Variants in LRMDA observed in about 807,000 individuals in gnomAD.
LRMDA encodes the protein leucine-rich melanocyte differentiation-associated protein.
In LRMDA, 18 loss-of-function variants were observed where a neutral mutation model predicts 29.8. The ratio of observed to expected loss-of-function variants is 0.60; its 90% CI spans 0.42 to 0.90. LRMDA has a LOEUF of 0.90. LRMDA is among the 40% of genes least tolerant of loss of function. The pLI is 0.00. For missense variants in LRMDA, 273 were observed against 273.9 expected (o/e 1.00, Z 0.02); for synonymous variants, 125 against 109.4 (o/e 1.14, Z -0.89).
chr10:75,955,140 G>C (rs576775824), intron 2 of LRMDA, among the ~76,000 whole-genome samples: 1 of 152,220 alleles, frequency 6.6e-6, no homozygotes, highest in South Asian at 2.1e-4. Flanking sequence ...ATTACACATT[G>C]GTTATCTTGT....
intron 5 of LRMDA, among the ~76,000 whole-genome samples, chr10:76,133,344 AC>A (rs1850034044): frequency 6.6e-6 from 1 of 152,084 alleles, no homozygotes; most frequent in Non-Finnish European, 1.5e-5. Context: ...GCACCTGCCA[AC>A]CTGACCTGTT....
intron 2 of LRMDA, among the ~76,000 whole-genome samples, chr10:75,816,495 T>C (rs1252301111): frequency 6.6e-6 from 1 of 152,198 alleles, no homozygotes; most frequent in Non-Finnish European, 1.5e-5. Flanking sequence ...CTCAACTGTT[T>C]GTTGCTTCCA....
intron 2 of LRMDA, among the ~76,000 whole-genome samples, chr10:75,862,532 T>G (rs1844949645): frequency 6.6e-6 from 1 of 152,132 alleles, no homozygotes; most frequent in Admixed American, 6.5e-5. Flanking sequence ...CCTGGAAGAA[T>G]TTATAAATCC....
intron 6 of LRMDA, among the ~76,000 whole-genome samples, chr10:76,368,042 A>G (rs1841412103): frequency 6.6e-6 from 1 of 151,964 alleles, no homozygotes; most frequent in Admixed American, 6.6e-5. Flanking sequence ...TTTTCTTCTC[A>G]AAGAACCTGC....
intron 6 of LRMDA, among the ~76,000 whole-genome samples, chr10:76,370,384 A>G (rs1178759059): frequency 2.6e-5 from 4 of 152,180 alleles, no homozygotes; most frequent in South Asian, 2.1e-4. Flanking sequence ...TGATGTTGCT[A>G]TCTACAAACC....
chr10:75,930,338 A>C (rs1846186597), intron 2 of LRMDA, among the ~76,000 whole-genome samples: 1 of 152,124 alleles, frequency 6.6e-6, no homozygotes. Flanking sequence ...ACTTTGGGGA[A>C]TTTCTCGGTG....
chr10:75,608,135 C>CACAA (rs1840982365), intron 2 of LRMDA, among the ~76,000 whole-genome samples: 1 of 65,688 alleles, frequency 1.5e-5, no homozygotes, highest in Non-Finnish European at 4.6e-5. Flanking sequence ...TATATACACA[C>CACAA]ACATACACAA....
chr10:75,461,446 G>A (rs1844583397), intron 2 of LRMDA, among the ~76,000 whole-genome samples: 1 of 152,102 alleles, frequency 6.6e-6, no homozygotes, highest in Non-Finnish European at 1.5e-5. Flanking sequence ...CTACTTAGGG[G>A]AGAAGGGCAG....
chr10:75,934,484 G>C (rs577790209), intron 2 of LRMDA, among the ~76,000 whole-genome samples: 4 of 152,114 alleles, frequency 2.6e-5, no homozygotes, highest in Non-Finnish European at 5.9e-5. Flanking sequence ...AGCATTTATA[G>C]GGAAGGAAAA....
chr10:75,722,175 T>A (rs1842576572), intron 2 of LRMDA, among the ~76,000 whole-genome samples: 1 of 152,120 alleles, frequency 6.6e-6, no homozygotes, highest in African/African-American at 2.4e-5. Context: ...ATGCCACTAA[T>A]CCATCCTAGG....
intron 2 of LRMDA, among the ~76,000 whole-genome samples, chr10:75,885,330 A>G (rs530978688): frequency 1.1e-4 from 16 of 152,196 alleles, no homozygotes; most frequent in Admixed American, 3.3e-4. Context: ...CCTACTCAGT[A>G]ACTGTTTCGG....
Position 76,240,746 on chromosome 10 carries a change from G to C in LRMDA, c.517-83655G>C, listed in dbSNP as rs571208064. ...AGCCCAAATGCCCATTAATCAATGAGTGGATAAAGAAAATGTGAGATAGAT... is the reference window on the plus strand; with the variant it reads ...AGCCCAAATGCCCATTAATCAATGACTGGATAAAGAAAATGTGAGATAGAT... On this transcript the variant is annotated intron_variant, in intron 5 of 6. Transcript: ENST00000611255. Among the ~76,000 whole-genome samples the C allele has an allele frequency of 2.7e-5, 4 of 147,984 alleles. No individual in the cohort carries two copies. In the South Asian group the frequency reaches 8.5e-4, roughly 31 times the overall value.
chr10:75,717,221 C>T (rs897145207), intron 2 of LRMDA, among the ~76,000 whole-genome samples: 2 of 152,150 alleles, frequency 1.3e-5, no homozygotes, highest in African/African-American at 2.4e-5. Flanking sequence ...GGAGTCCCCC[C>T]CAGGGGCACG....
At chr10:76,207,286 A>G (rs1851554300) in intron 5 of LRMDA, among the ~76,000 whole-genome samples, 2 of 152,166 alleles carry the variant, frequency 1.3e-5, no homozygotes, top group Admixed American at 6.5e-5. Flanking sequence ...AGATGCCTCT[A>G]TCTGGTCGAT....
chr10:75,956,030 T>C (rs145389353), intron 2 of LRMDA, among the ~76,000 whole-genome samples: 12 of 152,362 alleles, frequency 7.9e-5, no homozygotes, highest in African/African-American at 2.9e-4. Context: ...GCAAGGGATT[T>C]AGTAGCAACT....
chr10:76,122,157 C>G (rs1050001697), intron 5 of LRMDA, among the ~76,000 whole-genome samples: 4 of 152,184 alleles, frequency 2.6e-5, no homozygotes, highest in Admixed American at 2.6e-4. Flanking sequence ...GCAGAGGGAA[C>G]AGCAAATGCA....
chr10:75,434,643 G>A (rs1309403747), intron 1 of LRMDA, among the ~76,000 whole-genome samples: 2 of 152,222 alleles, frequency 1.3e-5, no homozygotes, highest in Non-Finnish European at 2.9e-5. Flanking sequence ...CTGACATGCA[G>A]TAGCGCAATC....
At chr10:75,739,292 G>A (rs1384272295) in intron 2 of LRMDA, among the ~76,000 whole-genome samples, 3 of 152,204 alleles carry the variant, frequency 2.0e-5, no homozygotes, top group Non-Finnish European at 4.4e-5. Context: ...ACAAACCCAG[G>A]CCCAGAGATT....
intron 2 of LRMDA, among the ~76,000 whole-genome samples, chr10:75,594,863 T>A (rs1191373711): frequency 1.3e-5 from 2 of 152,238 alleles, no homozygotes. Flanking sequence ...GAATGTTGGC[T>A]TGAAGATGAA....
Sources: allele counts gnomAD v4.1 joint callset (sites outside exome capture counted in the v4.1 genomes callset), GRCh38; gene constraint gnomAD v4.1.1; transcripts MANE v1.5; gene names NCBI Gene and HGNC (gene_info 2026-07-23, HGNC 2026-07-21).